Variants in ERF observed in about 807,000 individuals in gnomAD.
The protein encoded by ERF is ETS2 repressor factor, also known as ETS domain-containing transcription factor ERF.
In ERF, 10 loss-of-function variants were observed where a neutral mutation model predicts 41.6. The ratio of observed to expected loss-of-function variants is 0.24; its 90% CI spans 0.15 to 0.41. The LOEUF (loss-of-function observed/expected upper bound fraction) is 0.41, where lower values mean the gene tolerates loss of function less well. Ranked by LOEUF, ERF falls within the 10% of genes least tolerant of loss-of-function variation. The pLI is 1.00. For synonymous variants in ERF, 395 were observed against 342.4 expected (o/e 1.15, Z -1.70); for missense variants, 621 against 763.2 (o/e 0.81, Z 2.19).
At chr19:42,252,855 G>A (rs1029705066) in intron 1 of ERF, among the ~76,000 whole-genome samples, 1 of 152,144 alleles carries the variant, frequency 6.6e-6, no homozygotes, top group African/African-American at 2.4e-5. Context: ...ATGCGTCCAC[G>A]TGCTTAAAAC....
rs1165596360 is a variant in ERF at position 42,249,605 on chromosome 19, T to C, written c.507A>G (p.Ser169=). Residue 169 remains serine (S), a synonymous_variant, in exon 4 of 4, where the codon TCA becomes TCG. Transcript: ENST00000222329. The surrounding 1 kb of genome is among the most constrained non-coding windows in gnomAD (Gnocchi z 8.6). ...PRSPPACSSS[S]SSLFSAVVAR... ...CCACCACAGCCGAGAAGAGGGAAGA[T>C]GAAGATGAAGAGCAGGCTGGTGGTG... 2 of 1,613,034 alleles carry C rather than the reference T, an allele frequency of 1.2e-6. No individual in the cohort carries two copies. The highest frequency in any genetic ancestry group is 1.7e-5 in the Admixed American group (1 of 59,912).
Position 42,249,850 on chromosome 19 carries a change from G to C in ERF, c.350C>G (p.Pro117Arg), listed in dbSNP as rs1458275302. Reference protein sequence around the residue: ...NFNKLVLVNYPFIDVGLAGGA... With the variant: ...NFNKLVLVNYRFIDVGLAGGA... The stretch of plus-strand genomic sequence containing the variant: ...ACCAGCCAACCCCACATCAATGAAT[G>C]GGTAATTGACCAGCACCAGTTTGTT... Residue 117 changes from proline (P) to arginine (R), a missense_variant, in exon 3 of 4, where the codon CCA (proline) becomes CGA (arginine). Physicochemically the swap from Pro to Arg is moderately radical, Grantham distance 103. Transcript: ENST00000222329. This position sits in a 1 kb window ranked among gnomAD's most constrained non-coding sequence, Gnocchi z 8.6. 6.2e-7 allele frequency: 1 copy of C among 1,614,042 alleles called. No homozygotes were observed. Among genetic ancestry groups the C allele is most frequent in the Non-Finnish European group, 8.5e-7 (1 of 1,180,026 alleles).
Position 42,248,908 on chromosome 19 carries a change from T to C in ERF, c.1204A>G (p.Ser402Gly). 1.2e-6 allele frequency: 2 copies of C among 1,607,632 alleles called. No homozygotes were observed. The highest frequency in any genetic ancestry group is 1.7e-6 in the Non-Finnish European group (2 of 1,179,546). The change falls in exon 4 of 4, where the codon AGC (serine) becomes GGC (glycine). Residue 402 changes from serine to glycine, a missense_variant. Ser to Gly is a moderately conservative substitution (Grantham distance 56). This residue lies in a region of ERF where 569 missense variants were observed against 625.5 expected (regional missense o/e 0.91). Coordinates refer to ENST00000222329, the MANE Select transcript of ERF (RefSeq NM_006494.4). The surrounding 1 kb of genome is among the most constrained non-coding windows in gnomAD (Gnocchi z 4.2). The stretch of plus-strand genomic sequence containing the variant: ...GCCAGCCCGCCTGCACTGCCACCGC[T>C]CTTGTCAGCACCGGCTACGGCCTTC... ...GEKAVAGADK[S>G]GGSAGGLAEG...
chr19:42,248,247 C>A lies in ERF; in HGVS notation c.*218G>T. Reference sequence around the variant, plus strand: ...CACCACTTTGCCCAGAGCTTAGAAACCCACAGAGACAGGGAATAGCCCCTA... The same window carrying A: ...CACCACTTTGCCCAGAGCTTAGAAAACCACAGAGACAGGGAATAGCCCCTA... On this transcript the variant is annotated 3_prime_UTR_variant, in exon 4 of 4. Coordinates refer to ENST00000222329, the MANE Select transcript of ERF (RefSeq NM_006494.4). The surrounding 1 kb of genome is among the most constrained non-coding windows in gnomAD (Gnocchi z 4.2). 4 of 146,786 alleles carry A rather than the reference C, an allele frequency of 2.7e-5. No homozygotes were observed. The highest frequency in any genetic ancestry group is 5.5e-5 in the Non-Finnish European group (4 of 72,788). 9.1% of individuals were successfully genotyped at this position (146,786 alleles called of 1,614,324 possible).
chr19:42,249,709 C>T lies in ERF; in HGVS notation c.403G>A (p.Val135Met). ...GGAVPQSAPP[V>M]PSGGSHFRFP... is the part of the protein sequence containing the mutation. Reference sequence around the variant, plus strand: ...CGGAAGTGGCTACCACCCGACGGCACTGGCGGGGCACTCTGGGGCACTGCA... The same window carrying T: ...CGGAAGTGGCTACCACCCGACGGCATTGGCGGGGCACTCTGGGGCACTGCA... Residue 135 changes from valine to methionine, a missense_variant, in exon 4 of 4, where the codon GTG (valine) becomes ATG (methionine). By Grantham distance (21) the Val-to-Met change is conservative (BLOSUM62 1). Coordinates refer to ENST00000222329, the MANE Select transcript of ERF (RefSeq NM_006494.4). This position sits in a 1 kb window ranked among gnomAD's most constrained non-coding sequence, Gnocchi z 8.6. 1.3e-6 allele frequency: 2 copies of T among 1,598,492 alleles called. No individual in the cohort carries two copies. Among genetic ancestry groups the T allele is most frequent in the African/African-American group, 1.3e-5 (1 of 74,820 alleles).
chr19:42,252,761 G>A (rs1052861026), intron 1 of ERF, among the ~76,000 whole-genome samples: 1 of 152,160 alleles, frequency 6.6e-6, no homozygotes, highest in Non-Finnish European at 1.5e-5. Flanking sequence ...GTGACGTCAG[G>A]GTGTCTCAAT....
At chr19:42,252,346 C>A (rs1192236246) in intron 1 of ERF, among the ~76,000 whole-genome samples, 1 of 152,220 alleles carries the variant, frequency 6.6e-6, no homozygotes, top group Non-Finnish European at 1.5e-5. Flanking sequence ...CACCCTCCCC[C>A]CAAAATTAAA....
At position 42,255,113 on chromosome 19, in the gene ERF, C is replaced by T; in HGVS notation, c.-114G>A. Reference sequence around the variant, plus strand: ...GCCCTCGCCGCCTCACCCGGCCTCGCCTCTCAGAGCCTCTCCCCTCCCCGC... The same window carrying T: ...GCCCTCGCCGCCTCACCCGGCCTCGTCTCTCAGAGCCTCTCCCCTCCCCGC... On this transcript the variant is annotated 5_prime_UTR_variant, in exon 1 of 4. Transcript: ENST00000222329. The T allele has an allele frequency of 1.4e-5, 12 of 874,524 alleles. No individual in the cohort carries two copies. The highest frequency in any genetic ancestry group is 1.8e-5 in the Non-Finnish European group (12 of 658,452). 54.2% of individuals were successfully genotyped at this position (874,524 alleles called of 1,614,324 possible).
intron 1 of ERF, chr19:42,253,826 C>T (rs1425874998): frequency 1.0e-5 from 10 of 981,318 alleles, no homozygotes; most frequent in African/African-American, 1.8e-5. Context: ...GTGGGTGGGC[C>T]GGTCGGGGCA....
intron 1 of ERF, among the ~76,000 whole-genome samples, chr19:42,254,091 A>C (rs1210631632): frequency 2.0e-5 from 3 of 150,346 alleles, no homozygotes; most frequent in African/African-American, 4.9e-5. Flanking sequence ...AGGGGGAGTT[A>C]ATCCCGCTGC....
In ERF at chr19:42,248,656, G is replaced by A. The variant is rs1233632467; in HGVS notation, c.1456C>T (p.Arg486Trp). Residue 486 changes from arginine to tryptophan, a missense_variant, in exon 4 of 4, where the codon CGG becomes TGG. Physicochemically the swap from Arg to Trp is moderately radical, Grantham distance 101. Around this residue, in one of 3 missense-constraint regions of ERF, gnomAD observed 569 missense variants for 625.5 expected, o/e 0.91. Transcript: ENST00000222329. This position sits in a 1 kb window ranked among gnomAD's most constrained non-coding sequence, Gnocchi z 4.2. ...AGGCGACAGTCTTCACTCCAGCGCC[G>A]CTTAAAGCGTAGCTTGAGGGGCATG... ...QCMPLKLRFK[R>W]RWSEDCRLEG... 5 of 1,602,358 alleles carry A rather than the reference G, an allele frequency of 3.1e-6. No individual in the cohort carries two copies. The highest frequency in any genetic ancestry group is 1.1e-5 in the South Asian group (1 of 90,178).
At position 42,248,469 on chromosome 19, in the gene ERF, G is replaced by A. The variant is rs2036369381; in HGVS notation, c.1643C>T (p.Ser548Phe). Residue 548 changes from serine (S) to phenylalanine (F), a missense_variant, in exon 4 of 4, where the codon TCC (serine) becomes TTC (phenylalanine). By Grantham distance (155) the Ser-to-Phe change is radical. This residue lies in a region of ERF where 569 missense variants were observed against 625.5 expected (regional missense o/e 0.91). Transcript: ENST00000222329. The surrounding 1 kb of genome is among the most constrained non-coding windows in gnomAD (Gnocchi z 4.2). ...CAGGTCCCCTGCCCACAGCCCTCAG[G>A]AGTCTCGGTGCTCCAGGGAGAGCTG... Reference protein sequence around the residue: ...TAQLSLEHRDS With the variant: ...TAQLSLEHRDF 1.3e-6 allele frequency: 2 copies of A among 1,499,144 alleles called. No homozygotes were observed. Among genetic ancestry groups the A allele is most frequent in the South Asian group, 2.8e-5 (2 of 72,634 alleles). The allele number at this position is 1,499,144 out of a possible 1,614,324, so 92.9% of individuals were successfully genotyped here.
At position 42,249,151 on chromosome 19, in the gene ERF, C is replaced by T. The variant is rs1479167706; in HGVS notation, c.961G>A (p.Val321Ile). The change falls in exon 4 of 4, where the codon GTC becomes ATC. Residue 321 changes from valine (V) to isoleucine (I), a missense_variant. Transcript: ENST00000222329. The surrounding 1 kb of genome is among the most constrained non-coding windows in gnomAD (Gnocchi z 8.6). Reference protein sequence around the residue: ...KRYLQAHTQSVYNYHLSPRAF... With the variant: ...KRYLQAHTQSIYNYHLSPRAF... ...CGGGGGCTGAGGTGGTAGTTGTAGA[C>T]GCTTTGGGTGTGGGCCTGCAGGTAC... 5.6e-6 allele frequency: 9 copies of T among 1,613,924 alleles called. No homozygotes were observed. The highest frequency in any genetic ancestry group is 1.1e-5 in the South Asian group (1 of 91,084).
Position 42,248,538 on chromosome 19 carries a change from AG to A in ERF, c.1573del (p.Leu525SerfsTer6). On this transcript the variant is annotated frameshift_variant, in exon 4 of 4. Transcript: ENST00000222329. LOFTEE classifies it high-confidence loss of function. The surrounding 1 kb of genome is among the most constrained non-coding windows in gnomAD (Gnocchi z 4.2). ...GTCAGAGCTCACCCGCCTTGGGGTGAGGGGCCCCCCAGCCTCCCCAGGCCCC... is the reference window on the plus strand; with the variant it reads ...GTCAGAGCTCACCCGCCTTGGGGTGAGGGCCCCCCAGCCTCCCCAGGCCCC... ...GEGPGEAGGP[L>X]TPRRVSSDLQ... The A allele has an allele frequency of 1.9e-6, 3 of 1,547,514 alleles. No homozygotes were observed. Among genetic ancestry groups the A allele is most frequent in the East Asian group, 2.3e-5 (1 of 44,240 alleles).
chr19:42,248,806 C>T lies in ERF; in HGVS notation c.1306G>A (p.Glu436Lys). Residue 436 changes from glutamate to lysine, a missense_variant, in exon 4 of 4, where the codon GAG (glutamate) becomes AAG (lysine). By Grantham distance (56) the Glu-to-Lys change is moderately conservative (BLOSUM62 1). Around this residue, in one of 3 missense-constraint regions of ERF, gnomAD observed 569 missense variants for 625.5 expected, o/e 0.91. Coordinates refer to ENST00000222329, the MANE Select transcript of ERF (RefSeq NM_006494.4). The surrounding 1 kb of genome is among the most constrained non-coding windows in gnomAD (Gnocchi z 4.2). ...KVEPISEGES[E>K]EVEVTDISDE... ...CTGATGTCAGTCACCTCTACCTCCTCCGACTCGCCTTCCGAGATGGGCTCC... is the reference window on the plus strand; with the variant it reads ...CTGATGTCAGTCACCTCTACCTCCTTCGACTCGCCTTCCGAGATGGGCTCC... 1 of 1,613,396 alleles carries T rather than the reference C, an allele frequency of 6.2e-7. No homozygotes were observed. The highest frequency in any genetic ancestry group is 8.5e-7 in the Non-Finnish European group (1 of 1,179,926).
Position 42,248,699 on chromosome 19 carries a change from T to A in ERF, c.1413A>T (p.Ala471=). 6.2e-7 allele frequency: 1 copy of A among 1,611,524 alleles called. No individual in the cohort carries two copies. The highest frequency in any genetic ancestry group is 8.5e-7 in the Non-Finnish European group (1 of 1,178,268). The stretch of plus-strand genomic sequence containing the variant: ...GGGGCATGCACTGGGATGCCCCGGG[T>A]GCCTCGCCGGGCTCAGGCTTAGGGG... The part of the protein sequence containing the change: ...PAPPKPEPGE[A]PGASQCMPLK... Residue 471 remains alanine, a synonymous_variant, in exon 4 of 4, where the codon GCA becomes GCT. Transcript: ENST00000222329. This position sits in a 1 kb window ranked among gnomAD's most constrained non-coding sequence, Gnocchi z 4.2.
At position 42,248,357 on chromosome 19, in the gene ERF, G is replaced by A. The variant is rs2036366638; in HGVS notation, c.*108C>T. ...AAATGTGGGGAGGGAAAAGGGAGGA[G>A]GCAGGGAAGAGACAAGAGAGCTGCC... On this transcript the variant is annotated 3_prime_UTR_variant, in exon 4 of 4. Transcript: ENST00000222329. The surrounding 1 kb of genome is among the most constrained non-coding windows in gnomAD (Gnocchi z 4.2). 3 of 990,462 alleles carry A rather than the reference G, an allele frequency of 3.0e-6. No individual in the cohort carries two copies. Among genetic ancestry groups the A allele is most frequent in the Non-Finnish European group, 4.1e-6 (3 of 738,702 alleles). 61.4% of individuals were successfully genotyped at this position (990,462 alleles called of 1,614,324 possible).
intron 1 of ERF, among the ~76,000 whole-genome samples, chr19:42,252,516 A>G (rs558454861): frequency 2.6e-5 from 4 of 152,352 alleles, no homozygotes; most frequent in African/African-American, 9.6e-5. Context: ...GGGAACTCGG[A>G]AAGGAGGTGG....
At chr19:42,253,301 C>T (rs1039793621) in intron 1 of ERF, among the ~76,000 whole-genome samples, 3 of 152,234 alleles carry the variant, frequency 2.0e-5, no homozygotes, top group Admixed American at 6.5e-5. Flanking sequence ...GAAACAGCCA[C>T]GGCAGAGAGA....
Sources: gnomAD v4.1 joint callset for allele counts (sites outside exome capture counted in the v4.1 genomes callset) on GRCh38, gnomAD v4.1.1 for gene constraint, gnomAD v4.1.1 regional missense constraint, Gnocchi (gnomAD v3.1) non-coding constraint, MANE v1.5 for transcripts, NCBI Gene and HGNC (gene_info 2026-07-23, HGNC 2026-07-21) for gene names.